Variants in AFAP1L2 observed in about 807,000 individuals in gnomAD.
AFAP1L2 encodes actin filament-associated protein 1-like 2.
AFAP1L2 carries 46 observed loss-of-function variants against 99.3 expected under a neutral mutation model. The observed-to-expected ratio is 0.46, with a 90% confidence interval of 0.37 to 0.59. The LOEUF (loss-of-function observed/expected upper bound fraction) is 0.59, where lower values mean the gene tolerates loss of function less well. AFAP1L2 is among the 20% of genes least tolerant of loss of function. The pLI is 0.00. For missense variants in AFAP1L2, 959 were observed against 1,034.9 expected (o/e 0.93, Z 1.01); for synonymous variants, 397 against 419.1 (o/e 0.95, Z 0.64).
rs192374912 is a variant in AFAP1L2, at chr10:114,388,131, C to T, written c.16+16309G>A. ...GATGGATCCAAGGTGGTCTACCTGG[C>T]GGTGACTTACCCATTTGGAAGGGAC... is the stretch of plus-strand genomic sequence containing the variant. On this transcript the variant is annotated intron_variant, in intron 1 of 18. Transcript: ENST00000304129. 8.5e-5 allele frequency among the ~76,000 whole-genome samples: 13 copies of T among 152,298 alleles called. No homozygotes were observed. In the East Asian group the frequency reaches 1.5e-3, roughly 18 times the overall value.
At chr10:114,355,906 G>A (rs1473359497) in intron 1 of AFAP1L2, among the ~76,000 whole-genome samples, 3 of 152,188 alleles carry the variant, frequency 2.0e-5, no homozygotes, top group Non-Finnish European at 2.9e-5. Context: ...CCAGGAGGTC[G>A]AGGCTGCAGT....
At chr10:114,398,897 C>T in intron 1 of AFAP1L2, 2 of 1,304,350 alleles carry the variant, frequency 1.5e-6, no homozygotes, top group Non-Finnish European at 1.0e-6. Context: ...GACAGCAACA[C>T]CCCTGTGCTG....
intron 2 of AFAP1L2, among the ~76,000 whole-genome samples, chr10:114,339,308 G>A (rs1291085624): frequency 3.9e-5 from 6 of 152,086 alleles, no homozygotes; most frequent in Non-Finnish European, 5.9e-5. Context: ...TTAGCCGGGC[G>A]CAGTGGCGGG....
At chr10:114,310,810 G>A (rs971066711) in intron 7 of AFAP1L2, among the ~76,000 whole-genome samples, 10 of 152,326 alleles carry the variant, frequency 6.6e-5, no homozygotes, top group Middle Eastern at 3.4e-3. Flanking sequence ...TGTTGCAGGC[G>A]TGATCAACAA....
chr10:114,323,828 T>C (rs904406149), intron 4 of AFAP1L2, among the ~76,000 whole-genome samples: 1 of 152,180 alleles, frequency 6.6e-6, no homozygotes, highest in Non-Finnish European at 1.5e-5. Flanking sequence ...AGCTGGTAGA[T>C]TTTTAACAGC....
chr10:114,368,612 G>T (rs778704110), intron 1 of AFAP1L2, among the ~76,000 whole-genome samples: 3 of 151,964 alleles, frequency 2.0e-5, no homozygotes, highest in African/African-American at 7.3e-5. Context: ...ATGGGGTTTT[G>T]CCATGTTGCC....
At chr10:114,384,876 G>A (rs1191696346) in intron 1 of AFAP1L2, among the ~76,000 whole-genome samples, 4 of 152,200 alleles carry the variant, frequency 2.6e-5, no homozygotes, top group Non-Finnish European at 5.9e-5. Flanking sequence ...GGGGCAGATG[G>A]GAAACTCAAC....
intron 16 of AFAP1L2, among the ~76,000 whole-genome samples, chr10:114,298,974 C>T (rs2040685704): frequency 6.6e-6 from 1 of 152,232 alleles, no homozygotes; most frequent in Non-Finnish European, 1.5e-5. Flanking sequence ...GACAATAAAA[C>T]ACGGCCTATG....
chr10:114,396,680 C>G (rs1429833215), intron 1 of AFAP1L2, among the ~76,000 whole-genome samples: 1 of 152,186 alleles, frequency 6.6e-6, no homozygotes, highest in Non-Finnish European at 1.5e-5. Flanking sequence ...GACTTGCAGA[C>G]AGGCTGCCAA....
chr10:114,300,746 G>T, intron 13 of AFAP1L2, 56 bp from the exon 14 acceptor site: 1 of 1,531,238 alleles, frequency 6.5e-7, no homozygotes, highest in Non-Finnish European at 8.8e-7. Flanking sequence ...CCTCAGCTGT[G>T]GAGGGGGTAC....
the AFAP1L2 span, chr10:114,289,570 A>ATGGCAG: frequency 6.6e-7 from 1 of 1,511,264 alleles, no homozygotes; most frequent in Non-Finnish European, 9.1e-7. Flanking sequence ...CATGACGAGG[A>ATGGCAG]TGGCAGCTCT....
At chr10:114,320,220 C>T (rs1487949774) in intron 5 of AFAP1L2, among the ~76,000 whole-genome samples, 2 of 152,210 alleles carry the variant, frequency 1.3e-5, no homozygotes, top group Admixed American at 1.3e-4. Context: ...CCCGATATCC[C>T]TAGCACAGGC....
At chr10:114,378,243 G>GAC (rs1295544182) in intron 1 of AFAP1L2, among the ~76,000 whole-genome samples, 2 of 152,202 alleles carry the variant, frequency 1.3e-5, no homozygotes, top group Non-Finnish European at 2.9e-5. Flanking sequence ...GCTCTGTATT[G>GAC]ACACAAGAAA....
intron 5 of AFAP1L2, among the ~76,000 whole-genome samples, chr10:114,318,615 C>CGCCTATAATCCCA (rs1564850517): frequency 6.6e-6 from 1 of 151,030 alleles, no homozygotes; most frequent in Non-Finnish European, 1.5e-5. Context: ...TGGTGATGGA[C>CGCCTATAATCCCA]GCCTATAATC....
intron 1 of AFAP1L2, among the ~76,000 whole-genome samples, chr10:114,384,093 C>G (rs927953712): frequency 6.6e-6 from 1 of 152,188 alleles, no homozygotes; most frequent in African/African-American, 2.4e-5. Flanking sequence ...TCTCAAACCC[C>G]ATGATCCAGT....
chr10:114,321,543 C>A (rs939889170), intron 5 of AFAP1L2, among the ~76,000 whole-genome samples: 5 of 152,192 alleles, frequency 3.3e-5, no homozygotes, highest in African/African-American at 1.2e-4. Flanking sequence ...CATTCCTGGT[C>A]CTGCTCTTTA....
In AFAP1L2 at chr10:114,301,388, T is replaced by C. The variant is rs2041160415; in HGVS notation, c.1508A>G (p.Tyr503Cys). The C allele has an allele frequency of 6.2e-7, 1 of 1,614,266 alleles. No individual in the cohort carries two copies. Among genetic ancestry groups the C allele is most frequent in the Non-Finnish European group, 8.5e-7 (1 of 1,180,040 alleles). Reference protein sequence around the residue: ...LPSQDRQEELYDDVDLSELTA... With the variant: ...LPSQDRQEELCDDVDLSELTA... ...GAGCTCTGACAGGTCCACGTCGTCA[T>C]ACAGCTCCTCCTGGCGGTCCTGGCT... Residue 503 changes from tyrosine to cysteine, a missense_variant, in exon 13 of 19, where the codon TAT becomes TGT. This residue lies in a region of AFAP1L2 where 576 missense variants were observed against 562.1 expected (regional missense o/e 1.02). Transcript: ENST00000304129.
At chr10:114,286,145 G>A in the AFAP1L2 span, 28 of 1,614,018 alleles carry the variant, frequency 1.7e-5, no homozygotes, top group Non-Finnish European at 2.2e-5. Flanking sequence ...GGAGTACCAG[G>A]ATGTGCCTGA....
chr10:114,310,260 G>A, intron 8 of AFAP1L2, 94 bp downstream of exon 8: 1 of 1,290,342 alleles, frequency 7.7e-7, no homozygotes, highest in Non-Finnish European at 1.1e-6. Flanking sequence ...TAATTGGACT[G>A]AAATATAAAA....
Sources: allele counts gnomAD v4.1 joint callset (sites outside exome capture counted in the v4.1 genomes callset), GRCh38; gene constraint gnomAD v4.1.1; regional missense constraint gnomAD v4.1.1; transcripts MANE v1.5; gene names NCBI Gene and HGNC (gene_info 2026-07-23, HGNC 2026-07-21).